Variants in FGD4 observed in about 807,000 individuals in gnomAD.
The protein encoded by FGD4 is FYVE, RhoGEF and PH domain-containing protein 4.
FGD4 carries 42 observed loss-of-function variants against 102.0 expected under a neutral mutation model. The ratio of observed to expected loss-of-function variants is 0.41; its 90% CI spans 0.32 to 0.53. The LOEUF (loss-of-function observed/expected upper bound fraction) is 0.53. FGD4 is among the 20% of genes least tolerant of loss of function. The pLI is 0.21. For synonymous variants in FGD4, 380 were observed against 375.7 expected (o/e 1.01, Z -0.13); for missense variants, 902 against 1,078.2 (o/e 0.84, Z 2.29).
At chr12:32,623,819 T>C (rs1949991409) in intron 11 of FGD4, among the ~76,000 whole-genome samples, 1 of 152,232 alleles carries the variant, frequency 6.6e-6, no homozygotes, top group South Asian at 2.1e-4. Context: ...CTAAGGATGA[T>C]TACTAAACAC....
intron 1 of FGD4, among the ~76,000 whole-genome samples, chr12:32,512,924 A>T (rs757164285): frequency 6.6e-6 from 1 of 152,218 alleles, no homozygotes; most frequent in Non-Finnish European, 1.5e-5. Flanking sequence ...TGGAGAATAG[A>T]TGAAATGGAG....
chr12:32,587,791 A>G (rs1188169650), intron 4 of FGD4, among the ~76,000 whole-genome samples: 1 of 152,212 alleles, frequency 6.6e-6, no homozygotes, highest in African/African-American at 2.4e-5. Flanking sequence ...AGAAGGAAGT[A>G]GAGTTGCTAA....
intron 2 of FGD4, among the ~76,000 whole-genome samples, chr12:32,572,381 A>T (rs1193281361): frequency 2.0e-5 from 3 of 152,166 alleles, no homozygotes; most frequent in Non-Finnish European, 4.4e-5. Flanking sequence ...CTGTGTTTGC[A>T]TACTACACTG....
chr12:32,573,951 GAA>G (rs749005389), intron 2 of FGD4, among the ~76,000 whole-genome samples: 1 of 151,698 alleles, frequency 6.6e-6, no homozygotes, highest in Non-Finnish European at 1.5e-5. Flanking sequence ...CCTTGTGGAG[GAA>G]AAAAAACCTT....
intron 1 of FGD4, among the ~76,000 whole-genome samples, chr12:32,432,684 T>TATATA (rs1279295448): frequency 6.6e-6 from 1 of 151,996 alleles, no homozygotes; most frequent in African/African-American, 2.4e-5. Flanking sequence ...GAAGGGTTCT[T>TATATA]CATCACTTTT....
chr12:32,611,237 A>C lies in FGD4; in HGVS notation c.1703A>C (p.Lys568Thr). Residue 568 changes from lysine to threonine, a missense_variant, in exon 10 of 17, where the codon AAA (lysine) becomes ACA (threonine). Transcript: ENST00000534526. ...CTAATAAAAGAAGGACAGATCCTCA[A>C]ACTAGCTGCTCGGAACACTTCAGCA... ...NELIKEGQIL[K>T]LAARNTSAQE... 1 of 1,614,228 alleles carries C rather than the reference A, an allele frequency of 6.2e-7. No homozygotes were observed. Among genetic ancestry groups the C allele is most frequent in the Non-Finnish European group, 8.5e-7 (1 of 1,180,038 alleles).
chr12:32,493,550 T>G (rs1944182665), intron 1 of FGD4, among the ~76,000 whole-genome samples: 1 of 152,228 alleles, frequency 6.6e-6, no homozygotes, highest in Admixed American at 6.5e-5. Context: ...CTCAGATGTG[T>G]CAGTGACCCA....
intron 1 of FGD4, among the ~76,000 whole-genome samples, chr12:32,540,023 G>C (rs1271411990): frequency 6.6e-6 from 1 of 151,992 alleles, no homozygotes; most frequent in African/African-American, 2.4e-5. Flanking sequence ...CTAATTTAGA[G>C]TGTAAAATAG....
At chr12:32,596,198 G>C (rs1490560627) in intron 4 of FGD4, among the ~76,000 whole-genome samples, 1 of 152,208 alleles carries the variant, frequency 6.6e-6, no homozygotes, top group Admixed American at 6.5e-5. Flanking sequence ...GCATATGAAA[G>C]ATAAAATGCC....
intron 1 of FGD4, among the ~76,000 whole-genome samples, chr12:32,547,437 TACAC>T (rs1943311749): frequency 6.6e-6 from 1 of 151,940 alleles, no homozygotes; most frequent in South Asian, 2.1e-4. Context: ...AAACAAAAAA[TACAC>T]ACACATACAC....
At chr12:32,521,372 C>CAA (rs60786078) in intron 1 of FGD4, among the ~76,000 whole-genome samples, 6,134 of 93,852 alleles carry the variant, frequency 0.065, 295 homozygotes, top group South Asian at 0.13. Context: ...GACTCCGTCT[C>CAA]AAAAAAAAAA....
rs747748956 is a variant in FGD4 at position 32,643,577 on chromosome 12, T to C, written c.*3044T>C. ...CTTATCTTCACTAGGTGACTTAACT[T>C]ACCCCAATTTTTTTAAAAATTATTA... On this transcript the variant is annotated 3_prime_UTR_variant, in exon 17 of 17. Transcript: ENST00000534526. The C allele has an allele frequency of 2.6e-4, 39 of 152,032 alleles. No homozygotes were observed. Among genetic ancestry groups the C allele is most frequent in the Non-Finnish European group, 4.7e-4 (32 of 67,926 alleles). 9.4% of individuals were successfully genotyped at this position (152,032 alleles called of 1,614,324 possible). A position where few individuals can be genotyped will look rare whatever the true frequency, so the allele number is the denominator to read the frequency against.
chr12:32,564,022 G>A, intron 1 of FGD4, 115 bp from the exon 2 acceptor site: 3 of 944,188 alleles, frequency 3.2e-6, no homozygotes, highest in Non-Finnish European at 3.1e-6. Flanking sequence ...AAGGGGAGAG[G>A]GAGAGGGAGG....
chr12:32,611,706 A>C (rs1326315376), intron 10 of FGD4, among the ~76,000 whole-genome samples: 1 of 144,790 alleles, frequency 6.9e-6, no homozygotes, highest in Non-Finnish European at 1.5e-5. Context: ...CATTTAGGGA[A>C]TATTCCATTT....
chr12:32,631,187 T>C (rs1336700382), intron 14 of FGD4, among the ~76,000 whole-genome samples: 2 of 152,190 alleles, frequency 1.3e-5, no homozygotes, highest in Admixed American at 6.5e-5. Context: ...AGTTTGATCA[T>C]GATTTGGTCA....
chr12:32,615,353 A>G (rs562686285), intron 10 of FGD4, among the ~76,000 whole-genome samples: 57 of 152,334 alleles, frequency 3.7e-4, no homozygotes, highest in African/African-American at 1.3e-3. Context: ...TTTTAGAGAC[A>G]TAAAATGTTC....
At chr12:32,476,486 GA>G (rs1393446676) in intron 1 of FGD4, among the ~76,000 whole-genome samples, 1 of 152,106 alleles carries the variant, frequency 6.6e-6, no homozygotes, top group East Asian at 1.9e-4. Flanking sequence ...GTTTTAGTTG[GA>G]ATTGTCAACT....
chr12:32,575,362 T>C (rs1946043223), intron 2 of FGD4, among the ~76,000 whole-genome samples: 1 of 152,110 alleles, frequency 6.6e-6, no homozygotes, highest in South Asian at 2.1e-4. Context: ...GTAGCTGGCA[T>C]GTATAAAGAT....
chr12:32,548,080 C>T (rs1255144349), intron 1 of FGD4, among the ~76,000 whole-genome samples: 1 of 152,178 alleles, frequency 6.6e-6, no homozygotes, highest in Non-Finnish European at 1.5e-5. Context: ...GGACATGTCT[C>T]AGCATCGGTG....
Sources: gnomAD v4.1 joint callset for allele counts (sites outside exome capture counted in the v4.1 genomes callset) on GRCh38, gnomAD v4.1.1 for gene constraint, MANE v1.5 for transcripts, NCBI Gene and HGNC (gene_info 2026-07-23, HGNC 2026-07-21) for gene names.